The following STXBP5 variants were observed in gnomAD, a reference collection of about 807,000 sequenced individuals.
STXBP5 encodes syntaxin-binding protein 5.
A neutral mutation model predicts 152.4 loss-of-function variants in STXBP5; 50 were observed. That is an observed-to-expected ratio of 0.33 (90% CI 0.26 to 0.42). The LOEUF (loss-of-function observed/expected upper bound fraction) is 0.42, where lower values mean the gene tolerates loss of function less well. Ranked by LOEUF, STXBP5 falls within the 10% of genes least tolerant of loss-of-function variation. The probability of loss-of-function intolerance (pLI) is 1.00; values close to 1 mark genes in which losing one functional copy is unlikely to be tolerated. For missense variants in STXBP5, 1,167 were observed against 1,388.6 expected, an observed-to-expected ratio of 0.84 and a Z score of 2.54; for synonymous variants, 492 against 494.7, an observed-to-expected ratio of 0.99 and a Z score of 0.07.
intron 7 of STXBP5, among the ~76,000 whole-genome samples, chr6:147,273,178 C>A (rs966689890): frequency 3.1e-5 from 2 of 63,762 alleles, no homozygotes; most frequent in African/African-American, 1.4e-4. Context: ...CATAGCAAGA[C>A]CCTGCCTCTA....
At chr6:147,349,128 G>A (rs979931762) in intron 21 of STXBP5, among the ~76,000 whole-genome samples, 1 of 151,824 alleles carries the variant, frequency 6.6e-6, no homozygotes, top group African/African-American at 2.4e-5. Context: ...TGTTAATTAA[G>A]AGGATACATA....
chr6:147,208,653 C>T (rs1444946007), intron 2 of STXBP5, among the ~76,000 whole-genome samples: 1 of 152,062 alleles, frequency 6.6e-6, no homozygotes, highest in Non-Finnish European at 1.5e-5. Flanking sequence ...AAAGTATTTT[C>T]CTTGCAGATT....
At chr6:147,230,066 T>C (rs1443226827) in intron 2 of STXBP5, among the ~76,000 whole-genome samples, 1 of 151,976 alleles carries the variant, frequency 6.6e-6, no homozygotes, top group East Asian at 1.9e-4. Flanking sequence ...AGTTTAATGA[T>C]AAAAGGGTGT....
At chr6:147,281,671 C>T (rs1032946131) in intron 8 of STXBP5, among the ~76,000 whole-genome samples, 3 of 152,182 alleles carry the variant, frequency 2.0e-5, no homozygotes, top group African/African-American at 2.4e-5. Flanking sequence ...AAAACATTTA[C>T]AGTATTACCT....
chr6:147,281,714 C>T (rs115512835), intron 8 of STXBP5, among the ~76,000 whole-genome samples: 2,317 of 152,266 alleles, frequency 0.015, 64 homozygotes, highest in African/African-American at 0.054. Flanking sequence ...ATTTAAGTCT[C>T]CTACCAGTAC....
At chr6:147,377,616 A>G (rs941384846) in intron 26 of STXBP5, among the ~76,000 whole-genome samples, 1 of 152,152 alleles carries the variant, frequency 6.6e-6, no homozygotes, top group African/African-American at 2.4e-5. Flanking sequence ...TGGCTTACAG[A>G]CAGCCTTCTG....
At chr6:147,313,785 T>C in intron 11 of STXBP5, 99 bp from the exon 12 acceptor site, 1 of 758,104 alleles carries the variant, frequency 1.3e-6, no homozygotes, top group Non-Finnish European at 1.9e-6. Context: ...ATTTAATCTC[T>C]ATGATAGAAT....
At chr6:147,334,100 C>T (rs1225037761) in intron 18 of STXBP5, 57 bp from the exon 19 acceptor site, 1 of 1,554,618 alleles carries the variant, frequency 6.4e-7, no homozygotes, top group Non-Finnish European at 8.8e-7. Context: ...AAATAAAAGA[C>T]AAAACTGCAC....
intron 5 of STXBP5, among the ~76,000 whole-genome samples, chr6:147,261,734 C>G (rs1466559215): frequency 2.0e-5 from 3 of 151,838 alleles, no homozygotes; most frequent in African/African-American, 7.3e-5. Flanking sequence ...ACAGATGGCT[C>G]TCATGAAATG....
At chr6:147,358,909 T>G (rs543370407) in intron 22 of STXBP5, among the ~76,000 whole-genome samples, 175 bp from the exon 23 acceptor site, 1 of 152,224 alleles carries the variant, frequency 6.6e-6, no homozygotes, top group East Asian at 1.9e-4. Context: ...GTAAGTGGAC[T>G]TGTGTAGTTC....
intron 4 of STXBP5, among the ~76,000 whole-genome samples, chr6:147,257,025 A>G (rs1779401985): frequency 6.6e-6 from 1 of 152,072 alleles, no homozygotes; most frequent in Non-Finnish European, 1.5e-5. Flanking sequence ...ATTATAGCAA[A>G]TAGGATGTAT....
chr6:147,275,498 G>T (rs1582877435), intron 7 of STXBP5, among the ~76,000 whole-genome samples: 1 of 116,238 alleles, frequency 8.6e-6, no homozygotes, highest in Admixed American at 8.9e-5. Flanking sequence ...ACATGATCCT[G>T]TTATTCATAT....
At chr6:147,215,313 CTT>C (rs1406237113) in intron 2 of STXBP5, among the ~76,000 whole-genome samples, 1 of 152,180 alleles carries the variant, frequency 6.6e-6, no homozygotes, top group African/African-American at 2.4e-5. Context: ...ATTAGTAGCA[CTT>C]GTTACTAGTT....
chr6:147,321,694 G>A (rs1782944338), intron 16 of STXBP5, among the ~76,000 whole-genome samples: 1 of 152,150 alleles, frequency 6.6e-6, no homozygotes. Context: ...CAATCATTTT[G>A]AAACTGTGAG....
chr6:147,319,922 G>A lies in STXBP5; in HGVS notation c.1802+3515G>A, dbSNP rs10440889. Reference sequence around the variant, plus strand: ...AGTGGTGTGATCACAGCTCACTGCAGCCACGACCTCCTGGGCTCAATCAGT... The same window carrying A: ...AGTGGTGTGATCACAGCTCACTGCAACCACGACCTCCTGGGCTCAATCAGT... On this transcript the variant is annotated intron_variant, in intron 16 of 27. Transcript: ENST00000321680. Among the ~76,000 whole-genome samples, 1,148 of 139,192 alleles carry A rather than the reference G, an allele frequency of 8.2e-3. 17 individuals carry two copies. Among genetic ancestry groups the A allele is most frequent in the African/African-American group, 0.028 (1,058 of 37,398 alleles). The allele number at this position is 139,192 out of a possible 152,430, so 91.3% of individuals were successfully genotyped here.
chr6:147,361,106 G>T lies in STXBP5; in HGVS notation c.2545+1783G>T, dbSNP rs1785044937. Among the ~76,000 whole-genome samples, 3 of 152,196 alleles carry T rather than the reference G, an allele frequency of 2.0e-5. No individual in the cohort carries two copies. In the South Asian group the frequency reaches 6.2e-4, roughly 32 times the overall value. ...TTCTTATTAGTAAATATGTGTATAG[G>T]AATAAAATAAACTGGAAAGTTGAAA... On this transcript the variant is annotated intron_variant, in intron 23 of 27. Coordinates refer to ENST00000321680, the MANE Select transcript of STXBP5 (RefSeq NM_001127715.4).
chr6:147,351,465 G>A (rs1273951785), intron 21 of STXBP5, among the ~76,000 whole-genome samples: 1 of 152,104 alleles, frequency 6.6e-6, no homozygotes, highest in Non-Finnish European at 1.5e-5. Context: ...CCTATGATAT[G>A]TGATGAAAAT....
chr6:147,204,465 GTGGTCTCCCCCGCC>G lies in STXBP5; in HGVS notation c.-67_-54del. On this transcript the variant is annotated 5_prime_UTR_variant, in exon 1 of 28. Coordinates refer to ENST00000321680, the MANE Select transcript of STXBP5 (RefSeq NM_001127715.4). The surrounding 1 kb of genome is among the most constrained non-coding windows in gnomAD (Gnocchi z 4.3). Reference sequence around the variant, plus strand: ...CGGTCGAAGCTGCCTTCGGCCCCGGGTGGTCTCCCCCGCCCGGGGACCCCCTGTGCCTCCCCTCC... The same window carrying G: ...CGGTCGAAGCTGCCTTCGGCCCCGGGCGGGGACCCCCTGTGCCTCCCCTCC... 6.5e-7 allele frequency: 1 copy of G among 1,544,170 alleles called. No individual in the cohort carries two copies. Among genetic ancestry groups the G allele is most frequent in the Non-Finnish European group, 8.8e-7 (1 of 1,139,382 alleles).
chr6:147,209,868 C>T (rs913526030), intron 2 of STXBP5, among the ~76,000 whole-genome samples: 5 of 152,012 alleles, frequency 3.3e-5, no homozygotes, highest in Non-Finnish European at 7.4e-5. Context: ...GGGAATTATG[C>T]GAGTTTGGAG....
Sources: gnomAD v4.1 joint callset for allele counts (sites outside exome capture counted in the v4.1 genomes callset) on GRCh38, gnomAD v4.1.1 for gene constraint, Gnocchi (gnomAD v3.1) non-coding constraint, MANE v1.5 for transcripts, NCBI Gene and HGNC (gene_info 2026-07-23, HGNC 2026-07-21) for gene names.